The following CIITA variants were observed in gnomAD, a reference collection of about 807,000 sequenced individuals.
CIITA encodes MHC class II transactivator.
CIITA carries 72 observed loss-of-function variants against 115.1 expected under a neutral mutation model. That is an observed-to-expected ratio of 0.63 (90% CI 0.52 to 0.76). CIITA has a LOEUF of 0.76. CIITA is among the 30% of genes least tolerant of loss of function. The pLI is 0.00. For missense variants in CIITA, 1,617 were observed against 1,463.8 expected (o/e 1.10, Z -1.71); for synonymous variants, 763 against 635.6 (o/e 1.20, Z -3.02).
At chr16:10,876,627 G>C (rs113425017), upstream of CIITA, among the ~76,000 whole-genome samples, 1 of 152,192 alleles carries the variant, frequency 6.6e-6, no homozygotes, top group African/African-American at 2.4e-5. Flanking sequence ...TCACTTTGGC[G>C]GGTCACCCCA....
At chr16:10,894,206 G>A (rs1443553364) in intron 1 of CIITA, among the ~76,000 whole-genome samples, 1 of 151,964 alleles carries the variant, frequency 6.6e-6, no homozygotes, top group Non-Finnish European at 1.5e-5. Flanking sequence ...CAAATAAATA[G>A]AATCATACAA....
At chr16:10,909,470 C>T (rs1465976898) in intron 12 of CIITA, among the ~76,000 whole-genome samples, 1 of 152,258 alleles carries the variant, frequency 6.6e-6, no homozygotes. Flanking sequence ...AACAAGGATG[C>T]CTTGTGCACC....
chr16:10,885,029 C>A (rs1194460064), intron 1 of CIITA, among the ~76,000 whole-genome samples: 1 of 152,108 alleles, frequency 6.6e-6, no homozygotes. Flanking sequence ...CCAAAGGGGC[C>A]ATAATGATGT....
intron 11 of CIITA, chr16:10,908,615 T>C: frequency 2.3e-6 from 1 of 428,686 alleles, no homozygotes; most frequent in South Asian, 2.2e-5. Flanking sequence ...CTGCTTACAA[T>C]CCTTCAGGGA....
chr16:10,908,484 T>C (rs1276080107), intron 11 of CIITA: 1 of 457,556 alleles, frequency 2.2e-6, no homozygotes, highest in Non-Finnish European at 4.0e-6. Context: ...TTTCTTATGC[T>C]AAGAGTAAAG....
intron 3 of CIITA, among the ~76,000 whole-genome samples, chr16:10,895,975 T>A (rs979963689): frequency 4.6e-5 from 7 of 152,048 alleles, no homozygotes; most frequent in Admixed American, 1.3e-4. Flanking sequence ...CCTTCACTAA[T>A]GACCACCAAG....
At position 10,872,122 on chromosome 16, in the gene CIITA, T is replaced by A. The variant is rs564177731; in HGVS notation, c.-21+5803T>A. Among the ~76,000 whole-genome samples, 4 of 152,256 alleles carry A rather than the reference T, an allele frequency of 2.6e-5. No individual in the cohort carries two copies. The South Asian group carries it at 8.3e-4, about 32-fold the overall frequency. On this transcript the variant is annotated intron_variant, in intron 1 of 5. Transcript: ENST00000636238. ...CATTATTCTCACCCTGTCTTTTTTT[T>A]AATTTTTTTTGGGTGGGGGGGACAC...
chr16:10,902,183 C>T lies in CIITA; in HGVS notation c.627C>T (p.Pro209=). Residue 209 remains proline (P), a splice_region_variant and synonymous_variant, in exon 7 of 20, where the codon CCC becomes CCT. Coordinates refer to ENST00000324288, the MANE Select transcript of CIITA (RefSeq NM_000246.4). Reference sequence around the variant, plus strand: ...GCCTGGAGAAAACCGACCAGATTCCCAGTATGTTAGGGGGCTTGGAGAGAG... The same window carrying T: ...GCCTGGAGAAAACCGACCAGATTCCTAGTATGTTAGGGGGCTTGGAGAGAG... ...QMRLEKTDQI[P]MPFSSSSLSC... is the part of the protein sequence containing the mutation. 6.2e-7 allele frequency: 1 copy of T among 1,614,030 alleles called. No individual in the cohort carries two copies.
Position 10,929,116 on chromosome 16 carries a change from A to G in CIITA, c.*5261A>G. 1.3e-6 allele frequency: 1 copy of G among 742,690 alleles called. No individual in the cohort carries two copies. Among genetic ancestry groups the G allele is most frequent in the Non-Finnish European group, 1.6e-6 (1 of 608,434 alleles). 46.0% of individuals were successfully genotyped at this position (742,690 alleles called of 1,614,324 possible). ...AGAATCCCACCCTCAGCCCCCCAAC[A>G]GCTTCCTCAGCTTCTTTTTCTTCTG... On this transcript the variant is annotated 3_prime_UTR_variant, in exon 20 of 20. Transcript: ENST00000324288. The surrounding 1 kb of genome is among the most constrained non-coding windows in gnomAD (Gnocchi z 4.3).
In CIITA at chr16:10,918,545, AC is replaced by A; in HGVS notation, c.3149+21del. 6.2e-7 allele frequency: 1 copy of A among 1,611,160 alleles called. No homozygotes were observed. The highest frequency in any genetic ancestry group is 8.5e-7 in the Non-Finnish European group (1 of 1,177,828). The stretch of plus-strand genomic sequence containing the variant: ...GGCTAAGGTGAGTGGGGCCCCGGAT[AC>A]CGGTCAGGTGCTGAGCTGGGGGGCT... On this transcript the variant is annotated intron_variant, in intron 16 of 19. Coordinates refer to ENST00000324288, the MANE Select transcript of CIITA (RefSeq NM_000246.4).
downstream of CIITA, chr16:10,937,285 TG>T (rs1706292218): frequency 6.6e-6 from 1 of 152,390 alleles, no homozygotes; most frequent in East Asian, 1.9e-4. The surrounding 1 kb of genome is among the most constrained non-coding windows in gnomAD (Gnocchi z 4.2). Context: ...CTTCCTGGCC[TG>T]GTTTCCTGCA....
chr16:10,867,612 T>A (rs1302647361), intron 1 of CIITA, among the ~76,000 whole-genome samples: 1 of 152,118 alleles, frequency 6.6e-6, no homozygotes, highest in Non-Finnish European at 1.5e-5. Flanking sequence ...AAGGCCTTAT[T>A]TTTAAGAGCG....
chr16:10,902,014 C>G, intron 6 of CIITA, 24 bp from the exon 7 acceptor site: 1 of 1,613,608 alleles, frequency 6.2e-7, no homozygotes, highest in Non-Finnish European at 8.5e-7. Context: ...CACCCAGTCT[C>G]TAACACAGCC....
rs759343661 is a variant in CIITA, at chr16:10,907,469, G to T, written c.1977G>T (p.Glu659Asp). ...ALDSPPGALA[E>D]LAKLAWELGR... The stretch of plus-strand genomic sequence containing the variant: ...ACAGCCCCCCCGGGGCCCTGGCAGA[G>T]CTGGCCAAGCTGGCCTGGGAGCTGG... Residue 659 changes from glutamate to aspartate, a missense_variant, in exon 11 of 20, where the codon GAG becomes GAT. Transcript: ENST00000324288. This position sits in a 1 kb window ranked among gnomAD's most constrained non-coding sequence, Gnocchi z 5.0. 3.1e-6 allele frequency: 5 copies of T among 1,613,582 alleles called. No homozygotes were observed. Among genetic ancestry groups the T allele is most frequent in the Non-Finnish European group, 4.2e-6 (5 of 1,179,946 alleles).
chr16:10,880,993 G>A (rs1044114104), intron 1 of CIITA, among the ~76,000 whole-genome samples: 3 of 152,194 alleles, frequency 2.0e-5, no homozygotes, highest in Non-Finnish European at 4.4e-5. Context: ...TCAGAGAGGG[G>A]CCGGGAGCAG....
At chr16:10,889,776 C>T (rs1169478193) in intron 1 of CIITA, among the ~76,000 whole-genome samples, 2 of 152,176 alleles carry the variant, frequency 1.3e-5, no homozygotes, top group Non-Finnish European at 2.9e-5. Context: ...GCCTCGGCCT[C>T]CCACAGTGGT....
At chr16:10,899,665 G>A (rs1281227314) in intron 5 of CIITA, among the ~76,000 whole-genome samples, 1 of 152,170 alleles carries the variant, frequency 6.6e-6, no homozygotes, top group Non-Finnish European at 1.5e-5. Context: ...TCTGTAAAAT[G>A]GGTGTAACAG....
At chr16:10,899,875 T>C (rs951093024) in intron 5 of CIITA, among the ~76,000 whole-genome samples, 4 of 152,046 alleles carry the variant, frequency 2.6e-5, no homozygotes, top group Admixed American at 2.0e-4. Flanking sequence ...AGGTCAGGAG[T>C]TTGATACCTG....
At position 10,928,148 on chromosome 16, in the gene CIITA, CCA is replaced by C. The variant is rs2040610666; in HGVS notation, c.*4297_*4298del. The C allele has an allele frequency of 6.6e-6, 1 of 152,214 alleles. No homozygotes were observed. Among genetic ancestry groups the C allele is most frequent in the Non-Finnish European group, 1.5e-5 (1 of 68,074 alleles). The allele number at this position is 152,214 out of a possible 1,614,324, so 9.4% of individuals were successfully genotyped here. A position where few individuals can be genotyped will look rare whatever the true frequency, so the allele number is the denominator to read the frequency against. On this transcript the variant is annotated 3_prime_UTR_variant, in exon 20 of 20. Transcript: ENST00000324288. ...CCAGAGTTCTGCCGCCTGTACTCTCCCACACCTCAGTCTCCTCGCCTGTAGAA... is the reference window on the plus strand; with the variant it reads ...CCAGAGTTCTGCCGCCTGTACTCTCCCACCTCAGTCTCCTCGCCTGTAGAA...
Sources: allele counts gnomAD v4.1 joint callset (sites outside exome capture counted in the v4.1 genomes callset), GRCh38; gene constraint gnomAD v4.1.1; non-coding constraint Gnocchi (gnomAD v3.1); transcripts MANE v1.5; gene names NCBI Gene and HGNC (gene_info 2026-07-23, HGNC 2026-07-21).